Variants in GALNTL6 observed in about 807,000 individuals in gnomAD.
GALNTL6 encodes polypeptide N-acetylgalactosaminyltransferase like 6, also known as polypeptide N-acetylgalactosaminyltransferase-like 6.
In GALNTL6, 46 loss-of-function variants were observed where a neutral mutation model predicts 73.7. The ratio of observed to expected loss-of-function variants is 0.62; its 90% confidence interval spans 0.49 to 0.80. GALNTL6 has a LOEUF of 0.80. GALNTL6 is among the 30% of genes least tolerant of loss of function. The probability of loss-of-function intolerance (pLI) is 0.00; values close to 1 mark genes in which losing one functional copy is unlikely to be tolerated. For missense variants in GALNTL6, 604 were observed against 755.0 expected (o/e 0.80, Z 2.34); for synonymous variants, 259 against 263.7 (o/e 0.98, Z 0.17).
chr4:172,550,694 C>A (rs10024704), intron 5 of GALNTL6, among the ~76,000 whole-genome samples: 1 of 152,236 alleles, frequency 6.6e-6, no homozygotes, highest in African/African-American at 2.4e-5. Flanking sequence ...AACTCCTGGG[C>A]TCCAGCCATC....
In GALNTL6 at chr4:172,401,586, T is replaced by C. The variant is rs146718761; in HGVS notation, c.553+52897T>C. Among the ~76,000 whole-genome samples, 101 of 152,190 alleles carry C rather than the reference T, an allele frequency of 6.6e-4. 1 individual carries two copies. The highest frequency in any genetic ancestry group is 1.1e-3 in the Non-Finnish European group (78 of 67,998). On this transcript the variant is annotated intron_variant, in intron 5 of 12. Coordinates refer to ENST00000506823, the MANE Select transcript of GALNTL6 (RefSeq NM_001034845.3). ...ATTTCTCATTTATAGTTTCTCTCTT[T>C]TTAAAAAATAACTTTGAAGTCAGTG...
chr4:172,705,747 A>G (rs762093724), intron 5 of GALNTL6, among the ~76,000 whole-genome samples: 39 of 152,126 alleles, frequency 2.6e-4, no homozygotes, highest in Middle Eastern at 6.8e-3. Flanking sequence ...TTGGGTACAC[A>G]ATTCTTGGTT....
At chr4:172,324,890 A>C (rs1740890134) in intron 4 of GALNTL6, among the ~76,000 whole-genome samples, 1 of 151,252 alleles carries the variant, frequency 6.6e-6, no homozygotes. Flanking sequence ...ATGAATATAC[A>C]TCCCAAAGTT....
chr4:172,973,560 T>C (rs996773438), intron 10 of GALNTL6, among the ~76,000 whole-genome samples: 55 of 152,336 alleles, frequency 3.6e-4, no homozygotes, highest in African/African-American at 1.1e-3. Context: ...AAATGAAACC[T>C]GTTTAAATCA....
intron 5 of GALNTL6, among the ~76,000 whole-genome samples, chr4:172,508,320 T>G (rs6836110): frequency 1 from 53,838 of 54,066 alleles, 26,902 homozygotes; most frequent in Non-Finnish European, 1. Context: ...TTAAAAAATT[T>G]AAGCAGCAGG....
intron 4 of GALNTL6, among the ~76,000 whole-genome samples, chr4:172,341,644 C>T (rs1741570965): frequency 6.6e-6 from 1 of 151,958 alleles, no homozygotes; most frequent in Admixed American, 6.6e-5. Context: ...ATGGGTATCA[C>T]GAGATCTAAT....
At chr4:172,118,504 A>G (rs947100543) in intron 2 of GALNTL6, among the ~76,000 whole-genome samples, 4 of 152,100 alleles carry the variant, frequency 2.6e-5, no homozygotes, top group Non-Finnish European at 4.4e-5. Context: ...GTTCAAGACA[A>G]GCCTTACCAA....
chr4:172,996,952 C>T (rs1362811266), intron 10 of GALNTL6, among the ~76,000 whole-genome samples: 1 of 152,180 alleles, frequency 6.6e-6, no homozygotes, highest in African/African-American at 2.4e-5. Context: ...CCACCGCAGC[C>T]TCCCCTAGAG....
intron 2 of GALNTL6, among the ~76,000 whole-genome samples, chr4:172,130,775 G>C (rs1188643141): frequency 1.3e-5 from 2 of 151,484 alleles, no homozygotes; most frequent in South Asian, 2.1e-4. Context: ...GAATGCATTT[G>C]GTTCTTTTTG....
chr4:172,868,400 A>C (rs1212962034), intron 7 of GALNTL6, among the ~76,000 whole-genome samples: 5 of 152,184 alleles, frequency 3.3e-5, no homozygotes, highest in African/African-American at 1.2e-4. Context: ...AGAGAGATGA[A>C]AAAGGATATG....
chr4:172,847,245 C>A (rs1041568805), intron 7 of GALNTL6, among the ~76,000 whole-genome samples: 2 of 152,118 alleles, frequency 1.3e-5, no homozygotes, highest in Admixed American at 6.6e-5. Flanking sequence ...AGAACTCTAT[C>A]ACGCTTATTT....
chr4:172,352,094 T>C (rs1033130981), intron 5 of GALNTL6, among the ~76,000 whole-genome samples: 2 of 152,190 alleles, frequency 1.3e-5, no homozygotes, highest in Non-Finnish European at 2.9e-5. Context: ...TAGTAATTGT[T>C]AAATTCTGTA....
chr4:172,771,356 G>C (rs1342197213), intron 5 of GALNTL6, among the ~76,000 whole-genome samples: 1 of 152,100 alleles, frequency 6.6e-6, no homozygotes, highest in Non-Finnish European at 1.5e-5. Flanking sequence ...AGTTCTCTAA[G>C]GTTCCAAAAA....
At chr4:172,870,538 C>T (rs140009499) in intron 7 of GALNTL6, among the ~76,000 whole-genome samples, 457 of 152,262 alleles carry the variant, frequency 3.0e-3, no homozygotes, top group Non-Finnish European at 5.4e-3. Flanking sequence ...TGGCCCAGGG[C>T]CTGTGTGCAT....
intron 5 of GALNTL6, among the ~76,000 whole-genome samples, chr4:172,799,841 C>G (rs1740509009): frequency 6.6e-6 from 1 of 152,154 alleles, no homozygotes; most frequent in South Asian, 2.1e-4. Context: ...GCATTATCCA[C>G]AATAGCCAAA....
chr4:171,847,975 T>C (rs1233509146), intron 2 of GALNTL6, among the ~76,000 whole-genome samples: 4 of 152,198 alleles, frequency 2.6e-5, no homozygotes, highest in Non-Finnish European at 5.9e-5. Context: ...GAATCCTTTC[T>C]GGAAGCTCTT....
At chr4:172,007,443 A>G (rs10016864) in intron 2 of GALNTL6, among the ~76,000 whole-genome samples, 134,471 of 151,946 alleles carry the variant, frequency 0.88, 60,827 homozygotes, top group East Asian at 1. Flanking sequence ...AACTATAAGC[A>G]GCGATGACAA....
chr4:172,158,750 T>C (rs558502404), intron 2 of GALNTL6, among the ~76,000 whole-genome samples: 1 of 152,322 alleles, frequency 6.6e-6, no homozygotes, highest in South Asian at 2.1e-4. Flanking sequence ...ATGTGTCAAA[T>C]GGGCAATTAA....
Position 172,927,308 on chromosome 4 carries a change from G to A in GALNTL6, c.1042-3853G>A, listed in dbSNP as rs113268258. 2.2e-3 allele frequency among the ~76,000 whole-genome samples: 340 copies of A among 152,302 alleles called. 4 individuals are homozygous for A. The highest frequency in any genetic ancestry group is 7.6e-3 in the African/African-American group (314 of 41,554). On this transcript the variant is annotated intron_variant, in intron 8 of 12. Transcript: ENST00000506823. ...GAATTATAACTTGGCTGTGTGCCCA[G>A]GAGGAAGTGAGCATGGAAATTGCTG... is the stretch of plus-strand genomic sequence containing the variant.
Sources: allele counts gnomAD v4.1 joint callset (sites outside exome capture counted in the v4.1 genomes callset), GRCh38; gene constraint gnomAD v4.1.1; transcripts MANE v1.5; gene names NCBI Gene and HGNC (gene_info 2026-07-23, HGNC 2026-07-21).